CFAP43: variants seen among roughly 807,000 people sequenced by gnomAD.
CFAP43 encodes cilia- and flagella-associated protein 43.
In CFAP43, 155 loss-of-function variants were observed where a neutral mutation model predicts 218.9. The observed-to-expected ratio is 0.71, with a 90% CI of 0.62 to 0.81. The LOEUF (loss-of-function observed/expected upper bound fraction) is 0.81. Ranked by LOEUF, CFAP43 falls within the 30% of genes least tolerant of loss-of-function variation. CFAP43 has a pLI of 0.00. For synonymous variants in CFAP43, 645 were observed against 681.3 expected (o/e 0.95, Z 0.83); for missense variants, 1,778 against 1,954.3 (o/e 0.91, Z 1.70).
chr10:104,185,010 A>G lies in CFAP43; in HGVS notation c.2141+6T>C. The G allele has an allele frequency of 6.2e-7, 1 of 1,613,974 alleles. No homozygotes were observed. On this transcript the variant is annotated splice_donor_region_variant and intron_variant, in intron 16 of 37. Coordinates refer to ENST00000357060, the MANE Select transcript of CFAP43 (RefSeq NM_025145.7). Reference sequence around the variant, plus strand: ...CATGGGGTTACTTACTGAATACTGTACGTACTTCCACTTTAGGTAGACAAG... The same window carrying G: ...CATGGGGTTACTTACTGAATACTGTGCGTACTTCCACTTTAGGTAGACAAG...
chr10:104,226,506 A>G (rs1462748196), intron 2 of CFAP43, among the ~76,000 whole-genome samples: 1 of 152,162 alleles, frequency 6.6e-6, no homozygotes, highest in Non-Finnish European at 1.5e-5. Flanking sequence ...CCACAATTGA[A>G]GATGACCAAC....
intron 20 of CFAP43, among the ~76,000 whole-genome samples, chr10:104,170,774 AT>A (rs112287854): frequency 0.012 from 1,764 of 152,112 alleles, 27 homozygotes; most frequent in African/African-American, 0.036. Context: ...AGAAAATGGG[AT>A]TTTTTTTCAT....
At chr10:104,176,324 C>T (rs551526143) in intron 19 of CFAP43, among the ~76,000 whole-genome samples, 2 of 152,122 alleles carry the variant, frequency 1.3e-5, no homozygotes, top group South Asian at 4.1e-4. Flanking sequence ...TATGTCATAC[C>T]ATTCACAAAA....
At chr10:104,141,844 G>A (rs757141718) in intron 33 of CFAP43, among the ~76,000 whole-genome samples, 4 of 152,050 alleles carry the variant, frequency 2.6e-5, no homozygotes, top group Non-Finnish European at 4.4e-5. Context: ...AATGAAGCAA[G>A]GACTTAAATA....
At chr10:104,203,886 T>C in intron 7 of CFAP43, 83 bp from the exon 8 acceptor site, 1 of 1,245,836 alleles carries the variant, frequency 8.0e-7, no homozygotes, top group East Asian at 2.6e-5. Context: ...CTAAGGCTTA[T>C]TGATTACTTC....
chr10:104,156,577 C>T (rs1292500412), intron 27 of CFAP43, among the ~76,000 whole-genome samples: 1 of 152,144 alleles, frequency 6.6e-6, no homozygotes, highest in East Asian at 1.9e-4. Context: ...ACAGACCTTA[C>T]ACAAAAACCT....
chr10:104,230,507 T>A, intron 2 of CFAP43, 83 bp downstream of exon 2: 1 of 1,503,782 alleles, frequency 6.6e-7, no homozygotes, highest in Non-Finnish European at 8.9e-7. Context: ...TTTCAAAAAA[T>A]AAATCTTCAC....
At chr10:104,133,984 T>C (rs1361286654) in intron 34 of CFAP43, among the ~76,000 whole-genome samples, 200 bp from the exon 35 acceptor site, 2 of 152,186 alleles carry the variant, frequency 1.3e-5, no homozygotes, top group African/African-American at 4.8e-5. Context: ...ACAGAAGGGA[T>C]TATAAGATAC....
intron 34 of CFAP43, among the ~76,000 whole-genome samples, chr10:104,136,258 CAAAAA>C (rs368792618): frequency 0.02 from 1,720 of 86,010 alleles, 64 homozygotes; most frequent in African/African-American, 0.088. Context: ...TTCTCCATTT[CAAAAA>C]AAAAAAAAAA....
intron 20 of CFAP43, among the ~76,000 whole-genome samples, 198 bp downstream of exon 20, chr10:104,172,212 G>C (rs2089440914): frequency 6.6e-6 from 1 of 152,182 alleles, no homozygotes; most frequent in Admixed American, 6.5e-5. Flanking sequence ...GGCTGGCCTA[G>C]ATGTTCTCCC....
At chr10:104,202,062 C>G (rs988076878) in intron 8 of CFAP43, among the ~76,000 whole-genome samples, 1 of 152,160 alleles carries the variant, frequency 6.6e-6, no homozygotes, top group Non-Finnish European at 1.5e-5. Flanking sequence ...CTATTTAATG[C>G]TGCCATAGTG....
intron 14 of CFAP43, among the ~76,000 whole-genome samples, chr10:104,186,762 T>C (rs2090043854): frequency 1.3e-5 from 2 of 152,146 alleles, no homozygotes; most frequent in African/African-American, 4.8e-5. Flanking sequence ...GACTGAAGAA[T>C]TTAGAGGAAG....
chr10:104,182,286 A>G, intron 17 of CFAP43, 80 bp downstream of exon 17: 1 of 1,415,010 alleles, frequency 7.1e-7, no homozygotes, highest in African/African-American at 1.5e-5. Context: ...ATATCTGCTT[A>G]AAGAAAACCA....
intron 9 of CFAP43, 150 bp downstream of exon 9, chr10:104,197,772 C>T (rs933010214): frequency 1.3e-5 from 7 of 548,834 alleles, no homozygotes; most frequent in Non-Finnish European, 2.3e-5. Flanking sequence ...GGCATCTCCA[C>T]CACAGTCTTC....
intron 3 of CFAP43, among the ~76,000 whole-genome samples, chr10:104,216,660 C>T (rs1017108345): frequency 4.6e-5 from 7 of 152,196 alleles, no homozygotes; most frequent in Non-Finnish European, 8.8e-5. Flanking sequence ...TCCCCACCCA[C>T]AGTCTGTCAC....
intron 10 of CFAP43, 82 bp downstream of exon 10, chr10:104,196,771 G>C (rs1361805464): frequency 1.7e-6 from 2 of 1,161,788 alleles, no homozygotes; most frequent in Non-Finnish European, 2.4e-6. Flanking sequence ...TATTTCTACA[G>C]ACTATTGACA....
intron 34 of CFAP43, among the ~76,000 whole-genome samples, chr10:104,139,581 AAGAG>A (rs575249756): frequency 3.3e-5 from 5 of 151,936 alleles, no homozygotes; most frequent in African/African-American, 7.3e-5. Flanking sequence ...TTAAAATGAA[AAGAG>A]AGAGAGAGAG....
At chr10:104,197,069 T>C (rs542136202) in intron 9 of CFAP43, 136 bp from the exon 10 acceptor site, 2 of 610,258 alleles carry the variant, frequency 3.3e-6, no homozygotes, top group Non-Finnish European at 5.6e-6. Context: ...AAATACTTAT[T>C]TTATCATTTC....
At chr10:104,163,342 G>T (rs2088977558) in intron 24 of CFAP43, among the ~76,000 whole-genome samples, 2 of 152,138 alleles carry the variant, frequency 1.3e-5, no homozygotes, top group South Asian at 4.1e-4. Context: ...CCAATATCCA[G>T]CAGAGACTGT....
Sources: gnomAD v4.1 joint callset for allele counts (sites outside exome capture counted in the v4.1 genomes callset) on GRCh38, gnomAD v4.1.1 for gene constraint, MANE v1.5 for transcripts, NCBI Gene and HGNC (gene_info 2026-07-23, HGNC 2026-07-21) for gene names.